HEXB: variants seen among roughly 807,000 people sequenced by gnomAD.
HEXB encodes beta-hexosaminidase subunit beta.
HEXB carries 51 observed loss-of-function variants against 71.2 expected under a neutral mutation model. That is an observed-to-expected ratio of 0.72 (90% confidence interval 0.57 to 0.90). The LOEUF is 0.90. Ranked by LOEUF, HEXB falls within the 40% of genes least tolerant of loss-of-function variation. HEXB has a pLI of 0.00. For synonymous variants in HEXB, 266 were observed against 249.3 expected, an observed-to-expected ratio of 1.07 and a Z score of -0.63; for missense variants, 617 against 677.0, an observed-to-expected ratio of 0.91 and a Z score of 0.98.
intron 1 of HEXB, among the ~76,000 whole-genome samples, chr5:74,674,484 G>A (rs925902587): frequency 2.0e-5 from 3 of 151,844 alleles, no homozygotes; most frequent in Non-Finnish European, 2.9e-5. Context: ...GGCGCCTGTC[G>A]TCCCAGCTGC....
exon 1 of HEXB, chr5:74,640,178 C>T (rs1378385711): frequency 6.6e-6 from 1 of 152,254 alleles, no homozygotes; most frequent in East Asian, 1.9e-4. Flanking sequence ...AAGAGCTCCC[C>T]TTGCCCTCTA....
At chr5:74,663,958 T>C (rs987850091) in intron 1 of HEXB, among the ~76,000 whole-genome samples, 2 of 151,090 alleles carry the variant, frequency 1.3e-5, no homozygotes, top group Non-Finnish European at 3.0e-5. Flanking sequence ...GGATCCTGTA[T>C]CTACAAAAAA....
chr5:74,657,580 T>A (rs1748243628), intron 1 of HEXB, among the ~76,000 whole-genome samples: 1 of 152,238 alleles, frequency 6.6e-6, no homozygotes, highest in Non-Finnish European at 1.5e-5. Context: ...GGGGAAGAAC[T>A]TTGTCTATTT....
intron 13 of HEXB, 121 bp downstream of exon 13, chr5:74,720,868 T>A: frequency 1.1e-6 from 1 of 896,664 alleles, no homozygotes; most frequent in Non-Finnish European, 1.8e-6. Context: ...CAGGAATTAT[T>A]TTTTTGTAAG....
chr5:74,678,298 C>CATAA (rs78230461), intron 1 of HEXB, among the ~76,000 whole-genome samples: 5,250 of 145,138 alleles, frequency 0.036, 113 homozygotes, highest in African/African-American at 0.061. Flanking sequence ...AACTCCATCT[C>CATAA]ATAAATAAAT....
intron 1 of HEXB, among the ~76,000 whole-genome samples, chr5:74,664,361 A>G (rs965224871): frequency 1.3e-5 from 2 of 148,182 alleles, no homozygotes; most frequent in Admixed American, 6.8e-5. Flanking sequence ...AGCCCAGGAG[A>G]TGAAGATCAA....
At chr5:74,710,197 T>C (rs1343939097) in intron 6 of HEXB, among the ~76,000 whole-genome samples, 1 of 152,122 alleles carries the variant, frequency 6.6e-6, no homozygotes, top group Non-Finnish European at 1.5e-5. Context: ...CACATGATTA[T>C]CTCAATGGAT....
intron 1 of HEXB, among the ~76,000 whole-genome samples, chr5:74,650,371 A>G (rs1437044397): frequency 1.3e-5 from 2 of 152,240 alleles, no homozygotes; most frequent in Non-Finnish European, 2.9e-5. Flanking sequence ...GCATTCTTTT[A>G]AAAGCAAATG....
Position 74,705,313 on chromosome 5 carries a change from G to C in HEXB, c.764G>C (p.Ser255Thr), listed in dbSNP as rs775287652. The change falls in exon 6 of 14, where the codon AGC (serine) becomes ACC (threonine). Residue 255 changes from serine to threonine, a missense_variant. Physicochemically the swap from Ser to Thr is moderately conservative, Grantham distance 58. Transcript: ENST00000261416. The part of the protein sequence containing the change: ...PYQSITFPEL[S>T]NKGSYSLSHV... ...CAGAGCATCACTTTTCCTGAGTTAA[G>C]CAATAAAGTGAGTAAATTGTATTGT... The C allele has an allele frequency of 6.5e-7, 1 of 1,540,818 alleles. No individual in the cohort carries two copies. Among genetic ancestry groups the C allele is most frequent in the Non-Finnish European group, 9.0e-7 (1 of 1,113,524 alleles).
At chr5:74,646,924 G>T (rs1279362426) in intron 1 of HEXB, among the ~76,000 whole-genome samples, 1 of 152,180 alleles carries the variant, frequency 6.6e-6, no homozygotes, top group Non-Finnish European at 1.5e-5. Flanking sequence ...AAAGGGAAAA[G>T]AATTTAAGAA....
rs151093972 is a variant in HEXB, at chr5:74,692,323, C to T, written c.446-1316C>T. On this transcript the variant is annotated intron_variant, in intron 2 of 13. Transcript: ENST00000261416. The stretch of plus-strand genomic sequence containing the variant: ...GACCAGCCTGGGCAACATGGCAAAA[C>T]CCTGTCTCTACAAAAAAAAAAAAAA... Among the ~76,000 whole-genome samples the T allele has an allele frequency of 7.0e-3, 1,039 of 148,504 alleles. 18 individuals carry two copies. Among genetic ancestry groups the T allele is most frequent in the African/African-American group, 0.024 (970 of 40,022 alleles).
intron 1 of HEXB, among the ~76,000 whole-genome samples, chr5:74,679,630 T>C (rs1748700510): frequency 6.6e-6 from 1 of 151,772 alleles, no homozygotes; most frequent in Non-Finnish European, 1.5e-5. Flanking sequence ...TGAAGCCCTG[T>C]CTCTACTAAA....
rs997051441 is a variant in HEXB, at chr5:74,652,641, A to T, written c.-377+12083A>T. ...AAACTTCATTTGAGTCATGTAAGGG[A>T]TTCCCTCCCTTACCCCCACTACCCC... is the stretch of plus-strand genomic sequence containing the variant. On this transcript the variant is annotated intron_variant, in intron 1 of 13. Coordinates refer to the HEXB transcript ENST00000511181. The surrounding 1 kb of genome is among the most constrained non-coding windows in gnomAD (Gnocchi z 5.4). Among the ~76,000 whole-genome samples the T allele has an allele frequency of 6.6e-6, 1 of 152,242 alleles. No homozygotes were observed. Among genetic ancestry groups the T allele is most frequent in the African/African-American group, 2.4e-5 (1 of 41,554 alleles).
In HEXB at chr5:74,652,368, G is replaced by A. The variant is rs1748129831; in HGVS notation, c.-377+11810G>A. 6.6e-6 allele frequency among the ~76,000 whole-genome samples: 1 copy of A among 152,144 alleles called. No individual in the cohort carries two copies. The highest frequency in any genetic ancestry group is 1.5e-5 in the Non-Finnish European group (1 of 68,030). Reference sequence around the variant, plus strand: ...TGCTCTCCTAGTGTGTGGGCCTCCTGGCCCACGTGTCCAGCAAGCAAGCCA... The same window carrying A: ...TGCTCTCCTAGTGTGTGGGCCTCCTAGCCCACGTGTCCAGCAAGCAAGCCA... On this transcript the variant is annotated intron_variant, in intron 1 of 13. Transcript: ENST00000511181. The surrounding 1 kb of genome is among the most constrained non-coding windows in gnomAD (Gnocchi z 5.4).
At chr5:74,640,872 G>A (rs1747848953) in intron 1 of HEXB, 1 of 153,182 alleles carries the variant, frequency 6.5e-6, no homozygotes, top group South Asian at 2.1e-4. Flanking sequence ...GAAGGAGTGG[G>A]AGGAGGAGAG....
chr5:74,645,747 C>G (rs1747990596), intron 1 of HEXB, among the ~76,000 whole-genome samples: 1 of 152,156 alleles, frequency 6.6e-6, no homozygotes, highest in Non-Finnish European at 1.5e-5. Flanking sequence ...ACTCCAGGGC[C>G]TTTCAAGACA....
Position 74,718,302 on chromosome 5 carries a change from T to G in HEXB, c.1181T>G (p.Ile394Ser), listed in dbSNP as rs1041250337. 2 of 1,606,010 alleles carry G rather than the reference T, an allele frequency of 1.2e-6. No individual in the cohort carries two copies. The highest frequency in any genetic ancestry group is 2.7e-5 in the African/African-American group (2 of 74,736). Residue 394 changes from isoleucine to serine, a missense_variant, in exon 10 of 14, where the codon ATT becomes AGT. Transcript: ENST00000261416. ...TTTTGTAATACTAGGGTTTTGGATATTATTGCAACCATAAACAAGGGATCC... is the reference window on the plus strand; with the variant it reads ...TTTTGTAATACTAGGGTTTTGGATAGTATTGCAACCATAAACAAGGGATCC... ...ESFYIQKVLDIIATINKGSIV... is the reference protein window; with the variant it reads ...ESFYIQKVLDSIATINKGSIV...
At chr5:74,668,369 A>G (rs940571139) in intron 1 of HEXB, among the ~76,000 whole-genome samples, 3 of 152,168 alleles carry the variant, frequency 2.0e-5, no homozygotes, top group African/African-American at 7.2e-5. Flanking sequence ...GAGGAAAAGC[A>G]GTGCAGATTC....
At chr5:74,687,345 A>G (rs1261498331) in intron 1 of HEXB, among the ~76,000 whole-genome samples, 1 of 152,216 alleles carries the variant, frequency 6.6e-6, no homozygotes, top group East Asian at 1.9e-4. Context: ...ATTGTTCAGC[A>G]TCACATAGCC....
Sources: gnomAD v4.1 joint callset for allele counts (sites outside exome capture counted in the v4.1 genomes callset) on GRCh38, gnomAD v4.1.1 for gene constraint, Gnocchi (gnomAD v3.1) non-coding constraint, MANE v1.5 for transcripts, NCBI Gene and HGNC (gene_info 2026-07-23, HGNC 2026-07-21) for gene names.